Variants in ROBO2 observed in about 807,000 individuals in gnomAD.
ROBO2 encodes the protein roundabout guidance receptor 2.
A neutral mutation model predicts 160.8 loss-of-function variants in ROBO2; 53 were observed. That is an observed-to-expected ratio of 0.33 (90% CI 0.26 to 0.41). The LOEUF is 0.41. ROBO2 is among the 10% of genes least tolerant of loss of function. ROBO2 has a pLI of 1.00. For missense variants in ROBO2, 1,577 were observed against 1,722.4 expected, an observed-to-expected ratio of 0.92 and a Z score of 1.49; for synonymous variants, 664 against 611.7, an observed-to-expected ratio of 1.09 and a Z score of -1.26.
At chr3:77,212,953 G>C (rs1175884566) in intron 2 of ROBO2, among the ~76,000 whole-genome samples, 2 of 152,184 alleles carry the variant, frequency 1.3e-5, no homozygotes, top group Non-Finnish European at 2.9e-5. Flanking sequence ...TAAGCTTTTT[G>C]ATGTGCTGCT....
At chr3:77,189,372 T>A (rs1431263287) in intron 2 of ROBO2, among the ~76,000 whole-genome samples, 2 of 151,854 alleles carry the variant, frequency 1.3e-5, no homozygotes, top group Non-Finnish European at 2.9e-5. Flanking sequence ...CTCTTAGAAA[T>A]GACCATGGAA....
rs34906322 is a variant in ROBO2, at chr3:77,320,557, T to TA, written c.389-156846dup. On this transcript the variant is annotated intron_variant, in intron 2 of 25. Coordinates refer to ENST00000461745, the Ensembl canonical transcript of ROBO2. ...GTTCTTTGTTTCTCTTTCTAGCTCT[T>TA]AAAAAAAAAAAGAAGGGCTCTTATT... Among the ~76,000 whole-genome samples the TA allele has an allele frequency of 9.2e-3, 1,350 of 146,918 alleles. 6 individuals carry two copies. Among genetic ancestry groups the TA allele is most frequent in the Non-Finnish European group, 0.012 (808 of 66,182 alleles).
intron 2 of ROBO2, among the ~76,000 whole-genome samples, chr3:77,238,240 C>G (rs1323980220): frequency 1.3e-5 from 2 of 152,098 alleles, no homozygotes; most frequent in African/African-American, 2.4e-5. Context: ...TAACAAAGTC[C>G]ATTTTATCAA....
At chr3:77,582,933 G>C (rs2093955349) in intron 16 of ROBO2, among the ~76,000 whole-genome samples, 1 of 151,916 alleles carries the variant, frequency 6.6e-6, no homozygotes, top group African/African-American at 2.4e-5. Context: ...CTGAGCTCAG[G>C]AGTTCGAGAC....
intron 2 of ROBO2, among the ~76,000 whole-genome samples, chr3:76,173,498 T>C (rs1165426331): frequency 6.6e-6 from 1 of 152,016 alleles, no homozygotes; most frequent in Non-Finnish European, 1.5e-5. Flanking sequence ...TTTATCCTAA[T>C]GCTCTCCCTC....
At chr3:76,809,347 T>C (rs151301381) in intron 2 of ROBO2, among the ~76,000 whole-genome samples, 1 of 152,128 alleles carries the variant, frequency 6.6e-6, no homozygotes, top group African/African-American at 2.4e-5. Context: ...GTCTCTGTTT[T>C]TAGAGGCTGC....
In ROBO2 at chr3:76,274,437, G is replaced by A. The variant is rs572130127; in HGVS notation, c.109+336835G>A. 5.3e-5 allele frequency among the ~76,000 whole-genome samples: 8 copies of A among 152,086 alleles called. No individual in the cohort carries two copies. In the South Asian group the frequency reaches 1.7e-3, roughly 32 times the overall value. On this transcript the variant is annotated intron_variant, in intron 2 of 26. Coordinates refer to the ROBO2 transcript ENST00000487694. Reference sequence around the variant, plus strand: ...AAATTAATACTTTTTGAAGGAGTTTGGCTATATGCTGTGTAGTTTATAAAC... The same window carrying A: ...AAATTAATACTTTTTGAAGGAGTTTAGCTATATGCTGTGTAGTTTATAAAC...
In ROBO2 at chr3:77,082,508, C is replaced by T. The variant is rs115808279; in HGVS notation, c.62-15506C>T. 9.2e-3 allele frequency among the ~76,000 whole-genome samples: 1,395 copies of T among 152,082 alleles called. 18 individuals are homozygous for T. Among genetic ancestry groups the T allele is most frequent in the African/African-American group, 0.031 (1,297 of 41,472 alleles). Reference sequence around the variant, plus strand: ...ACTAAAGAAATTAGTTGGTTGTAAACTAATGATAACAGGGATACAACCTCC... The same window carrying T: ...ACTAAAGAAATTAGTTGGTTGTAAATTAATGATAACAGGGATACAACCTCC... On this transcript the variant is annotated intron_variant, in intron 1 of 25. Transcript: ENST00000461745.
At chr3:77,531,131 C>T (rs2091693263) in intron 6 of ROBO2, among the ~76,000 whole-genome samples, 1 of 152,006 alleles carries the variant, frequency 6.6e-6, no homozygotes, top group African/African-American at 2.4e-5. Flanking sequence ...ATGCTGATTG[C>T]CTGGAGTATA....
rs1296723600 is a variant in ROBO2 at position 77,203,645 on chromosome 3, G to A, written c.388+105305G>A. Among the ~76,000 whole-genome samples the A allele has an allele frequency of 3.3e-5, 5 of 152,046 alleles. No homozygotes were observed. The South Asian group carries it at 6.2e-4, about 19-fold the overall frequency. On this transcript the variant is annotated intron_variant, in intron 2 of 25. Coordinates refer to ENST00000461745, the Ensembl canonical transcript of ROBO2. ...TTATTCACATAGATTTCATTTTTTC[G>A]TCCCTTATACTACTTCACATTTTTA...
chr3:76,818,409 G>A (rs2065867477), intron 2 of ROBO2, among the ~76,000 whole-genome samples: 1 of 151,936 alleles, frequency 6.6e-6, no homozygotes, highest in Non-Finnish European at 1.5e-5. Context: ...TTTGTTGGAT[G>A]TATAGACTGT....
At chr3:76,494,980 C>T (rs2080062819) in intron 2 of ROBO2, among the ~76,000 whole-genome samples, 1 of 152,094 alleles carries the variant, frequency 6.6e-6, no homozygotes, top group Admixed American at 6.6e-5. Flanking sequence ...CAGGTGGTGA[C>T]TTCTCAACAT....
chr3:77,227,842 A>AAT lies in ROBO2; in HGVS notation c.388+129503_388+129504insTA, dbSNP rs2086671121. On this transcript the variant is annotated intron_variant, in intron 2 of 25. Coordinates refer to ENST00000461745, the Ensembl canonical transcript of ROBO2. ...ACTGTCAAGTCAGTCAAAATAGTGA[A>AAT]ACTAGTTTTCGCATGTATGCAGAGA... Among the ~76,000 whole-genome samples, 9 of 152,352 alleles carry AAT rather than the reference A, an allele frequency of 5.9e-5. No homozygotes were observed. The South Asian group carries it at 1.9e-3, about 32-fold the overall frequency.
At chr3:76,543,705 T>A (rs2082939624) in intron 2 of ROBO2, among the ~76,000 whole-genome samples, 1 of 151,976 alleles carries the variant, frequency 6.6e-6, no homozygotes, top group Admixed American at 6.6e-5. Flanking sequence ...TCTCAAAGAG[T>A]ATGCATTTAC....
chr3:77,318,051 T>C (rs2064249408), intron 2 of ROBO2, among the ~76,000 whole-genome samples: 1 of 152,010 alleles, frequency 6.6e-6, no homozygotes. Context: ...TTTATTTTAA[T>C]TTTATTATTT....
chr3:77,582,563 T>C (rs1003127644), intron 16 of ROBO2, among the ~76,000 whole-genome samples: 49 of 152,230 alleles, frequency 3.2e-4, no homozygotes, highest in African/African-American at 1.2e-3. Context: ...TGAGAAAGGG[T>C]TAGTATTTTT....
chr3:77,338,576 A>G (rs1296454334), intron 2 of ROBO2, among the ~76,000 whole-genome samples: 1 of 152,184 alleles, frequency 6.6e-6, no homozygotes, highest in Non-Finnish European at 1.5e-5. Flanking sequence ...AACTTTATAA[A>G]ATGAAAAGAT....
chr3:77,273,581 C>T (rs1419679178), intron 2 of ROBO2, among the ~76,000 whole-genome samples: 1 of 152,126 alleles, frequency 6.6e-6, no homozygotes, highest in Non-Finnish European at 1.5e-5. Context: ...TGGTCATTCC[C>T]TTTCTCTTTA....
At chr3:76,748,462 C>A (rs2093928196) in intron 2 of ROBO2, among the ~76,000 whole-genome samples, 1 of 151,412 alleles carries the variant, frequency 6.6e-6, no homozygotes, top group Non-Finnish European at 1.5e-5. Context: ...ACAACTGGTA[C>A]TGTATATGTA....
Sources: gnomAD v4.1 joint callset for allele counts (sites outside exome capture counted in the v4.1 genomes callset) on GRCh38, gnomAD v4.1.1 for gene constraint, MANE v1.5 for transcripts, NCBI Gene and HGNC (gene_info 2026-07-23, HGNC 2026-07-21) for gene names.